Variants in IGF2BP1 observed in about 807,000 individuals in gnomAD.
The protein encoded by IGF2BP1 is insulin-like growth factor 2 mRNA-binding protein 1.
Under a neutral mutation model 74.9 loss-of-function variants are expected in IGF2BP1, and 11 were observed. That is an observed-to-expected ratio of 0.15 (90% confidence interval 0.09 to 0.24). IGF2BP1 has a LOEUF of 0.24. Ranked by LOEUF, IGF2BP1 falls within the 10% of genes least tolerant of loss-of-function variation. IGF2BP1 has a pLI of 1.00. For synonymous variants in IGF2BP1, 287 were observed against 281.8 expected, an observed-to-expected ratio of 1.02 and a Z score of -0.18; for missense variants, 440 against 757.4, an observed-to-expected ratio of 0.58 and a Z score of 4.92.
chr17:49,013,328 T>G (rs1047202826), intron 2 of IGF2BP1, among the ~76,000 whole-genome samples: 13 of 152,118 alleles, frequency 8.5e-5, no homozygotes, highest in African/African-American at 2.4e-4. Flanking sequence ...GAGGAGAGCC[T>G]TCTTTCTCTG....
chr17:49,006,602 T>C (rs1241626983), intron 2 of IGF2BP1, among the ~76,000 whole-genome samples: 2 of 152,194 alleles, frequency 1.3e-5, no homozygotes, highest in African/African-American at 2.4e-5. Flanking sequence ...GTTAGCTCCA[T>C]GAGTATTAGA....
chr17:48,997,551 G>A lies in IGF2BP1; in HGVS notation c.-195G>A. ...CGGGCACTTCTCCTGGGCTCTCCCC[G>A]AACTCTCCCGCGACCTCTGCGCGCC... On this transcript the variant is annotated 5_prime_UTR_variant, in exon 1 of 15. Transcript: ENST00000290341. The surrounding 1 kb of genome is among the most constrained non-coding windows in gnomAD (Gnocchi z 4.8). 1 of 595,040 alleles carries A rather than the reference G, an allele frequency of 1.7e-6. No individual in the cohort carries two copies. Among genetic ancestry groups the A allele is most frequent in the Non-Finnish European group, 2.9e-6 (1 of 339,410 alleles). The allele number at this position is 595,040 out of a possible 1,614,324, so 36.9% of individuals were successfully genotyped here.
chr17:49,053,977 C>G lies in IGF2BP1; in HGVS notation c.*4533C>G, dbSNP rs944382454. The G allele has an allele frequency of 1.3e-5, 2 of 152,682 alleles. No individual in the cohort carries two copies. The highest frequency in any genetic ancestry group is 3.8e-4 in the East Asian group (2 of 5,196). The allele number at this position is 152,682 out of a possible 1,614,324, so 9.5% of individuals were successfully genotyped here. ...GATTGAAGAAAAATCCTCATCAATGCCAGGGGACATAAAAGCCATTTCCCT... is the reference window on the plus strand; with the variant it reads ...GATTGAAGAAAAATCCTCATCAATGGCAGGGGACATAAAAGCCATTTCCCT... On this transcript the variant is annotated 3_prime_UTR_variant, in exon 15 of 15. Transcript: ENST00000290341.
At position 49,053,254 on chromosome 17, in the gene IGF2BP1, G is replaced by GTT. The variant is rs1431386211; in HGVS notation, c.*3811_*3812dup. On this transcript the variant is annotated 3_prime_UTR_variant, in exon 15 of 15. Transcript: ENST00000290341. The stretch of plus-strand genomic sequence containing the variant: ...ACACTGGAGGGGGATGCTCTAGTTG[G>GTT]TTCTGTGTCCATTTTCCTCTGTGCC... 1 of 152,660 alleles carries GTT rather than the reference G, an allele frequency of 6.6e-6. No individual in the cohort carries two copies. The highest frequency in any genetic ancestry group is 1.5e-5 in the Non-Finnish European group (1 of 68,082). The allele number at this position is 152,660 out of a possible 1,614,324, so 9.5% of individuals were successfully genotyped here. A position where few individuals can be genotyped will look rare whatever the true frequency, so the allele number is the denominator to read the frequency against.
At chr17:49,014,788 G>C (rs1037996287) in intron 2 of IGF2BP1, 1 of 985,302 alleles carries the variant, frequency 1.0e-6, no homozygotes, top group African/African-American at 1.7e-5. Context: ...GGGGCACTAA[G>C]GACCCCGAGG....
intron 2 of IGF2BP1, chr17:49,013,971 G>C (rs1030033570): frequency 6.6e-6 from 1 of 152,548 alleles, no homozygotes; most frequent in African/African-American, 2.4e-5. Context: ...CCTTCCTTGC[G>C]CGCTGCGGCC....
At chr17:49,016,478 G>T (rs571687355) in intron 2 of IGF2BP1, among the ~76,000 whole-genome samples, 2 of 152,284 alleles carry the variant, frequency 1.3e-5, no homozygotes, top group African/African-American at 4.8e-5. Flanking sequence ...CCCTAAATAT[G>T]GGTAGAAGAG....
intron 4 of IGF2BP1, among the ~76,000 whole-genome samples, chr17:49,028,450 T>C (rs2041882745): frequency 6.6e-6 from 1 of 152,224 alleles, no homozygotes; most frequent in South Asian, 2.1e-4. Context: ...TTGCCTTTTA[T>C]CTTAAATGCC....
At chr17:49,024,326 A>C (rs2041827165) in intron 2 of IGF2BP1, among the ~76,000 whole-genome samples, 1 of 151,992 alleles carries the variant, frequency 6.6e-6, no homozygotes, top group African/African-American at 2.4e-5. Context: ...AGCTGGGAGG[A>C]TCACTCGATC....
At chr17:49,040,367 C>T (rs2042036946) in intron 7 of IGF2BP1, among the ~76,000 whole-genome samples, 1 of 152,182 alleles carries the variant, frequency 6.6e-6, no homozygotes, top group Admixed American at 6.5e-5. Flanking sequence ...ATGCATGCAC[C>T]ACCACGCCTG....
At chr17:49,020,017 T>TAC (rs57363322) in intron 2 of IGF2BP1, among the ~76,000 whole-genome samples, 44 of 82,934 alleles carry the variant, frequency 5.3e-4, no homozygotes, top group Admixed American at 2.2e-3. Context: ...CACATATATA[T>TAC]ACACACACAC....
intron 2 of IGF2BP1, among the ~76,000 whole-genome samples, chr17:49,025,048 C>T (rs938967983): frequency 3.3e-5 from 5 of 151,902 alleles, no homozygotes; most frequent in African/African-American, 9.7e-5. Context: ...AGAAATTAGC[C>T]GGATGTGGTA....
At chr17:49,029,572 C>T (rs1302072541) in intron 4 of IGF2BP1, among the ~76,000 whole-genome samples, 1 of 152,172 alleles carries the variant, frequency 6.6e-6, no homozygotes, top group Non-Finnish European at 1.5e-5. Context: ...TGAGCAAGCC[C>T]AGGGGACCCA....
chr17:49,038,511 G>A, intron 6 of IGF2BP1, 62 bp downstream of exon 6: 1 of 1,393,750 alleles, frequency 7.2e-7, no homozygotes, highest in Non-Finnish European at 9.4e-7. Context: ...GGTACCTAAA[G>A]AGGCCTCCTG....
At position 49,052,965 on chromosome 17, in the gene IGF2BP1, C is replaced by T. The variant is rs1598165388; in HGVS notation, c.*3521C>T. 2 of 152,224 alleles carry T rather than the reference C, an allele frequency of 1.3e-5. No homozygotes were observed. Among genetic ancestry groups the T allele is most frequent in the East Asian group, 3.8e-4 (2 of 5,200 alleles). 9.4% of individuals were successfully genotyped at this position (152,224 alleles called of 1,614,324 possible). A position where few individuals can be genotyped will look rare whatever the true frequency, so the allele number is the denominator to read the frequency against. ...TTTGAAGCTGCATCTGCCAGTTACA[C>T]CCCAAATGGCTTTAATCCCCTCTCG... is the stretch of plus-strand genomic sequence containing the variant. On this transcript the variant is annotated 3_prime_UTR_variant, in exon 15 of 15. Transcript: ENST00000290341.
Position 48,997,695 on chromosome 17 carries a change from C to A in IGF2BP1, c.-51C>A. ...TGGCCTAGGAGGCTCGCCGCCCGCG[C>A]CCGCTCGTTCGGCCTTGCCCGGGAC... is the stretch of plus-strand genomic sequence containing the variant. On this transcript the variant is annotated 5_prime_UTR_variant, in exon 1 of 15. Coordinates refer to ENST00000290341, the MANE Select transcript of IGF2BP1 (RefSeq NM_006546.4). This position sits in a 1 kb window ranked among gnomAD's most constrained non-coding sequence, Gnocchi z 4.8. The A allele has an allele frequency of 6.3e-7, 1 of 1,582,628 alleles. No homozygotes were observed. The highest frequency in any genetic ancestry group is 8.6e-7 in the Non-Finnish European group (1 of 1,162,688).
intron 2 of IGF2BP1, 138 bp downstream of exon 2, chr17:48,999,307 C>A: frequency 1.6e-6 from 1 of 616,562 alleles, no homozygotes; most frequent in Non-Finnish European, 2.9e-6. Flanking sequence ...ATGTTGGGGG[C>A]AGGGAGGGAA....
At chr17:49,032,038 C>A in intron 5 of IGF2BP1, 65 bp downstream of exon 5, 1 of 1,416,938 alleles carries the variant, frequency 7.1e-7, no homozygotes, top group East Asian at 2.3e-5. Context: ...TGGTGTGAGC[C>A]TGGTCCCACT....
chr17:49,020,122 C>T (rs2144024999), intron 2 of IGF2BP1, among the ~76,000 whole-genome samples: 1 of 151,416 alleles, frequency 6.6e-6, no homozygotes, highest in African/African-American at 2.4e-5. Flanking sequence ...GGTGCGATCT[C>T]ACTGCAACCT....
Sources: allele counts gnomAD v4.1 joint callset (sites outside exome capture counted in the v4.1 genomes callset), GRCh38; gene constraint gnomAD v4.1.1; non-coding constraint Gnocchi (gnomAD v3.1); transcripts MANE v1.5; gene names NCBI Gene and HGNC (gene_info 2026-07-23, HGNC 2026-07-21).